Variants in KIAA1328 observed in about 807,000 individuals in gnomAD.
KIAA1328 encodes the protein protein hinderin.
In KIAA1328, 52 loss-of-function variants were observed where a neutral mutation model predicts 68.1. The observed-to-expected ratio is 0.76, with a 90% CI of 0.61 to 0.96. The LOEUF (loss-of-function observed/expected upper bound fraction) is 0.96, where lower values mean the gene tolerates loss of function less well. KIAA1328 is among the 40% of genes least tolerant of loss of function. The pLI is 0.00. For missense variants in KIAA1328, 641 were observed against 677.6 expected (o/e 0.95, Z 0.60); for synonymous variants, 232 against 239.4 (o/e 0.97, Z 0.28).
chr18:36,935,539 G>A (rs184164454), intron 5 of KIAA1328, among the ~76,000 whole-genome samples: 21 of 152,192 alleles, frequency 1.4e-4, no homozygotes, highest in Non-Finnish European at 2.2e-4. Flanking sequence ...GGGGATTTTG[G>A]CTTTTGTTTG....
chr18:37,004,542 C>A (rs533726142), intron 6 of KIAA1328, among the ~76,000 whole-genome samples: 17 of 152,086 alleles, frequency 1.1e-4, no homozygotes, highest in Admixed American at 7.9e-4. Context: ...GAACACAAAT[C>A]AAAACCACAA....
intron 5 of KIAA1328, among the ~76,000 whole-genome samples, chr18:36,909,199 T>C (rs547097324): frequency 6.4e-4 from 98 of 152,246 alleles, no homozygotes; most frequent in African/African-American, 2.3e-3. Flanking sequence ...TTGTTACATA[T>C]GTATACATGT....
intron 5 of KIAA1328, among the ~76,000 whole-genome samples, chr18:36,888,712 T>A (rs1383937305): frequency 6.6e-6 from 1 of 152,140 alleles, no homozygotes; most frequent in Non-Finnish European, 1.5e-5. Context: ...AGAATAAACC[T>A]GTCAAAGGTT....
chr18:36,955,892 G>C (rs959740723), intron 5 of KIAA1328: 3 of 152,336 alleles, frequency 2.0e-5, no homozygotes, highest in African/African-American at 7.2e-5. Flanking sequence ...TCAGAGACAA[G>C]GGTGAGGTGA....
At chr18:36,838,419 C>T (rs1423259133) in intron 3 of KIAA1328, among the ~76,000 whole-genome samples, 7 of 152,168 alleles carry the variant, frequency 4.6e-5, no homozygotes, top group African/African-American at 1.7e-4. Flanking sequence ...ATCCAGATTT[C>T]CTAAAAGACT....
At chr18:36,981,661 C>T (rs775389118) in intron 6 of KIAA1328, among the ~76,000 whole-genome samples, 5 of 152,052 alleles carry the variant, frequency 3.3e-5, no homozygotes, top group African/African-American at 7.2e-5. Flanking sequence ...AACATGGCTC[C>T]GTGCAGCCTC....
At chr18:37,201,551 G>T (rs2060114866) in intron 9 of KIAA1328, among the ~76,000 whole-genome samples, 1 of 152,120 alleles carries the variant, frequency 6.6e-6, no homozygotes, top group Non-Finnish European at 1.5e-5. Context: ...ATAAGTTTTA[G>T]TCTTACTATA....
intron 7 of KIAA1328, among the ~76,000 whole-genome samples, chr18:37,076,105 T>C (rs1372950272): frequency 2.0e-5 from 3 of 152,160 alleles, no homozygotes; most frequent in Admixed American, 2.0e-4. Context: ...TCAGCAAATG[T>C]AAAAGATCAG....
chr18:36,845,374 A>G (rs111527245), intron 4 of KIAA1328, among the ~76,000 whole-genome samples: 2 of 151,740 alleles, frequency 1.3e-5, no homozygotes, highest in Admixed American at 1.3e-4. Context: ...TTACTACATA[A>G]TAAGTCCTTT....
At chr18:37,107,885 C>G (rs1381265359) in intron 7 of KIAA1328, among the ~76,000 whole-genome samples, 4 of 150,866 alleles carry the variant, frequency 2.7e-5, no homozygotes, top group African/African-American at 9.7e-5. Flanking sequence ...AAAACAGATG[C>G]TGGCAAGCCC....
chr18:36,926,383 C>CTATTTATTTATTTATTTATT (rs72299711), intron 5 of KIAA1328, among the ~76,000 whole-genome samples: 5 of 147,134 alleles, frequency 3.4e-5, no homozygotes, highest in African/African-American at 1.2e-4. Context: ...CTCTCTCTCT[C>CTATTTATTTATTTATTTATT]TATTTATTTA....
At chr18:36,918,206 C>G (rs1378600114) in intron 5 of KIAA1328, among the ~76,000 whole-genome samples, 1 of 151,988 alleles carries the variant, frequency 6.6e-6, no homozygotes, top group Admixed American at 6.6e-5. Context: ...GATTTTTCCC[C>G]TTTTCCATCA....
At chr18:36,919,038 T>C (rs1248153749) in intron 5 of KIAA1328, among the ~76,000 whole-genome samples, 1 of 152,150 alleles carries the variant, frequency 6.6e-6, no homozygotes, top group Non-Finnish European at 1.5e-5. Context: ...TTTACAGCTG[T>C]TGGGGTAGGG....
chr18:37,171,911 A>G (rs1415510862), intron 8 of KIAA1328, among the ~76,000 whole-genome samples: 1 of 152,224 alleles, frequency 6.6e-6, no homozygotes, highest in Non-Finnish European at 1.5e-5. Flanking sequence ...CTGTCTCAAT[A>G]AACAAACGAA....
At chr18:36,919,778 A>G (rs1307626079) in intron 5 of KIAA1328, among the ~76,000 whole-genome samples, 1 of 152,140 alleles carries the variant, frequency 6.6e-6, no homozygotes, top group African/African-American at 2.4e-5. Context: ...CTAGAGTGAA[A>G]TGATACCTCA....
intron 9 of KIAA1328, among the ~76,000 whole-genome samples, chr18:37,192,847 G>A (rs575625050): frequency 6.6e-6 from 1 of 152,218 alleles, no homozygotes; most frequent in African/African-American, 2.4e-5. Context: ...CCCAGTATTT[G>A]GAAGTACAGG....
chr18:36,941,308 A>T (rs1204186506), intron 5 of KIAA1328, among the ~76,000 whole-genome samples: 2 of 152,084 alleles, frequency 1.3e-5, no homozygotes, highest in Admixed American at 1.3e-4. Flanking sequence ...TTAAAAGGAG[A>T]TAGAGGCCAG....
chr18:36,937,845 A>G (rs556820794), intron 5 of KIAA1328, among the ~76,000 whole-genome samples: 2 of 152,074 alleles, frequency 1.3e-5, no homozygotes, highest in African/African-American at 2.4e-5. Context: ...TAGCTCCCAT[A>G]TGTGAGAATG....
chr18:37,099,887 A>G (rs1268965498), intron 7 of KIAA1328, among the ~76,000 whole-genome samples: 1 of 152,176 alleles, frequency 6.6e-6, no homozygotes, highest in Non-Finnish European at 1.5e-5. Flanking sequence ...ATCAGAGACT[A>G]GGATTGCAAC....
Sources: allele counts gnomAD v4.1 joint callset (sites outside exome capture counted in the v4.1 genomes callset), GRCh38; gene constraint gnomAD v4.1.1; transcripts MANE v1.5; gene names NCBI Gene and HGNC (gene_info 2026-07-23, HGNC 2026-07-21).